The following KSR2 variants were observed in gnomAD, a reference collection of about 807,000 sequenced individuals.
KSR2 encodes kinase suppressor of ras 2.
A neutral mutation model predicts 107.8 loss-of-function variants in KSR2; 25 were observed. That is an observed-to-expected ratio of 0.23 (90% CI 0.17 to 0.32). The LOEUF (loss-of-function observed/expected upper bound fraction) is 0.32, where lower values mean the gene tolerates loss of function less well. Among genes scored for constraint, KSR2 ranks in the 10% least tolerant of loss-of-function variants. The pLI, the probability that KSR2 is intolerant of heterozygous loss-of-function variation, is 1.00. For synonymous variants in KSR2, 480 were observed against 507.0 expected (o/e 0.95, Z 0.71); for missense variants, 887 against 1,268.9 (o/e 0.70, Z 4.57).
rs191712389 is a variant in KSR2, at chr12:117,671,576, C to T, written c.987-3918G>A. On this transcript the variant is annotated intron_variant, in intron 4 of 19. Coordinates refer to ENST00000339824, the MANE Select transcript of KSR2 (RefSeq NM_173598.6). ...TAAGACTCTGGCACACATCACATTC[C>T]CTTCTAATTCTTTGCCTTCCACACA... is the stretch of plus-strand genomic sequence containing the variant. Among the ~76,000 whole-genome samples, 154 of 152,322 alleles carry T rather than the reference C, an allele frequency of 1.0e-3. 1 individual carries two copies. Among genetic ancestry groups the T allele is most frequent in the Middle Eastern group, 6.8e-3 (2 of 294 alleles).
At chr12:117,690,959 A>G (rs1358326604) in intron 4 of KSR2, among the ~76,000 whole-genome samples, 1 of 152,168 alleles carries the variant, frequency 6.6e-6, no homozygotes, top group East Asian at 1.9e-4. Flanking sequence ...CCCACCTCCA[A>G]GGAAACCACA....
chr12:117,893,484 C>T (rs1204862757), intron 1 of KSR2, among the ~76,000 whole-genome samples: 1 of 152,196 alleles, frequency 6.6e-6, no homozygotes, highest in Non-Finnish European at 1.5e-5. Flanking sequence ...TACACCCTAG[C>T]AGGTGCCAAG....
intron 1 of KSR2, among the ~76,000 whole-genome samples, chr12:117,933,480 C>T (rs1174242950): frequency 2.0e-5 from 3 of 151,884 alleles, no homozygotes; most frequent in Non-Finnish European, 4.4e-5. Context: ...GTCCCAGCTA[C>T]TTGGGAGGCT....
chr12:117,509,082 A>G (rs1410250249), intron 14 of KSR2, among the ~76,000 whole-genome samples: 1 of 152,136 alleles, frequency 6.6e-6, no homozygotes, highest in Non-Finnish European at 1.5e-5. Context: ...ATGCGTGATC[A>G]TTCACTTCTG....
At chr12:117,619,937 G>C (rs1315041659) in intron 5 of KSR2, among the ~76,000 whole-genome samples, 1 of 152,002 alleles carries the variant, frequency 6.6e-6, no homozygotes, top group African/African-American at 2.4e-5. Context: ...TTGCACAAAA[G>C]TTACTCACTA....
At chr12:117,708,932 C>T (rs76617397) in intron 4 of KSR2, among the ~76,000 whole-genome samples, 2,272 of 152,146 alleles carry the variant, frequency 0.015, 53 homozygotes, top group African/African-American at 0.051. Flanking sequence ...AATGGTAGGC[C>T]GCTCGCATTC....
chr12:117,544,266 A>G (rs902117385), intron 9 of KSR2, among the ~76,000 whole-genome samples: 2 of 152,178 alleles, frequency 1.3e-5, no homozygotes, highest in African/African-American at 4.8e-5. Context: ...TTGTTCAGCA[A>G]TTGTAGATGG....
chr12:117,631,743 T>G (rs938803496), intron 5 of KSR2, among the ~76,000 whole-genome samples: 1 of 152,132 alleles, frequency 6.6e-6, no homozygotes, highest in African/African-American at 2.4e-5. Context: ...GACTTGAGGG[T>G]AAAGCAGGGA....
chr12:117,832,370 A>G (rs1892007366), intron 3 of KSR2, among the ~76,000 whole-genome samples: 1 of 152,232 alleles, frequency 6.6e-6, no homozygotes, highest in Non-Finnish European at 1.5e-5. Flanking sequence ...AAGGCAATTT[A>G]TTTCAACAGA....
At chr12:117,506,142 G>C (rs1218112097) in intron 14 of KSR2, among the ~76,000 whole-genome samples, 1 of 152,156 alleles carries the variant, frequency 6.6e-6, no homozygotes, top group African/African-American at 2.4e-5. Context: ...TTGATCACGG[G>C]ACACAGATCT....
intron 1 of KSR2, among the ~76,000 whole-genome samples, chr12:117,952,232 G>T (rs551289316): frequency 1.3e-5 from 2 of 152,074 alleles, no homozygotes; most frequent in East Asian, 1.9e-4. Flanking sequence ...GTGAGGTGAT[G>T]AATGTGTTAA....
chr12:117,538,519 G>A lies in KSR2; in HGVS notation c.1687+1200C>T, dbSNP rs143240988. Among the ~76,000 whole-genome samples, 7 of 152,240 alleles carry A rather than the reference G, an allele frequency of 4.6e-5. No individual in the cohort carries two copies. The East Asian group carries it at 1.4e-3, about 29-fold the overall frequency. ...CTCATGCCTGGTTAAGCTTAGAGGT[G>A]TGAACTGTGGCCAAGGACCTGGGAT... On this transcript the variant is annotated intron_variant, in intron 10 of 19. Coordinates refer to ENST00000339824, the MANE Select transcript of KSR2 (RefSeq NM_173598.6).
intron 5 of KSR2, among the ~76,000 whole-genome samples, chr12:117,591,644 A>G (rs7956575): frequency 0.81 from 122,275 of 151,166 alleles, 50,074 homozygotes; most frequent in Admixed American, 0.88. Context: ...TGTGAGGGAC[A>G]ACATCACAGG....
intron 3 of KSR2, among the ~76,000 whole-genome samples, chr12:117,834,889 G>C (rs1204616026): frequency 1.3e-5 from 2 of 152,212 alleles, no homozygotes; most frequent in Non-Finnish European, 2.9e-5. Flanking sequence ...ATCCAAAAAA[G>C]GTGTCACTGA....
rs373390583 is a variant in KSR2 at position 117,555,434 on chromosome 12, T to C, written c.1394-141A>G. 47 of 797,486 alleles carry C rather than the reference T, an allele frequency of 5.9e-5. No homozygotes were observed. The African/African-American group carries it at 7.4e-4, about 13-fold the overall frequency. 49.4% of individuals were successfully genotyped at this position (797,486 alleles called of 1,614,324 possible). On this transcript the variant is annotated intron_variant, in intron 8 of 19. Coordinates refer to ENST00000339824, the MANE Select transcript of KSR2 (RefSeq NM_173598.6). ...TTCACTAAAAGTGATAATGATTCTG[T>C]GGTGGGATCAGGGTATACTCTGTGG...
At position 117,761,384 on chromosome 12, in the gene KSR2, A is replaced by G; in HGVS notation, c.613T>C (p.Cys205Arg). Reference protein sequence around the residue: ...LSQSPRVPSKCVQHYCHTSPT... With the variant: ...LSQSPRVPSKRVQHYCHTSPT... ...CTGGTGTGACAATAGTGCTGGACGC[A>G]CTTGGACGGGACCCTGGGGCTCTGG... is the stretch of plus-strand genomic sequence containing the variant. Residue 205 changes from cysteine to arginine, a missense_variant, in exon 4 of 20, where the codon TGC (cysteine) becomes CGC (arginine). Cys to Arg is a radical substitution (Grantham distance 180, BLOSUM62 -3). Around this residue, in one of 8 missense-constraint regions of KSR2, gnomAD observed 399 missense variants for 479.5 expected, o/e 0.83. Transcript: ENST00000339824. 1 of 1,606,424 alleles carries G rather than the reference A, an allele frequency of 6.2e-7. No individual in the cohort carries two copies. Among genetic ancestry groups the G allele is most frequent in the Non-Finnish European group, 8.5e-7 (1 of 1,177,996 alleles).
At chr12:117,504,106 A>C (rs1377270550) in intron 14 of KSR2, among the ~76,000 whole-genome samples, 1 of 152,220 alleles carries the variant, frequency 6.6e-6, no homozygotes, top group Non-Finnish European at 1.5e-5. Context: ...CTTCTCACAG[A>C]TAGAAAGCAA....
intron 5 of KSR2, among the ~76,000 whole-genome samples, chr12:117,601,147 T>C (rs956570250): frequency 1.3e-5 from 2 of 152,180 alleles, no homozygotes; most frequent in Admixed American, 6.5e-5. Flanking sequence ...AAGTTCCTCA[T>C]AGGATCAACC....
At chr12:117,737,415 A>G (rs536546610) in intron 4 of KSR2, among the ~76,000 whole-genome samples, 2 of 152,308 alleles carry the variant, frequency 1.3e-5, no homozygotes, top group Admixed American at 1.3e-4. Context: ...TCCAAACTTC[A>G]GTCATTCTGT....
Sources: gnomAD v4.1 joint callset for allele counts (sites outside exome capture counted in the v4.1 genomes callset) on GRCh38, gnomAD v4.1.1 for gene constraint, gnomAD v4.1.1 regional missense constraint, MANE v1.5 for transcripts, NCBI Gene and HGNC (gene_info 2026-07-23, HGNC 2026-07-21) for gene names.